HOOK2: variants seen among roughly 807,000 people sequenced by gnomAD.
HOOK2 encodes the protein protein Hook homolog 2.
In HOOK2, 108 loss-of-function variants were observed where a neutral mutation model predicts 111.9. The ratio of observed to expected loss-of-function variants is 0.96; its 90% confidence interval spans 0.83 to 1.13. HOOK2 has a LOEUF of 1.13. Among genes scored for constraint, HOOK2 ranks in the 50% most tolerant of loss-of-function variants. The pLI is 0.00. For missense variants in HOOK2, 978 were observed against 951.3 expected, an observed-to-expected ratio of 1.03 and a Z score of -0.37; for synonymous variants, 405 against 394.3, an observed-to-expected ratio of 1.03 and a Z score of -0.32.
chr19:12,783,526 G>A (rs1479079252), intron 3 of HOOK2, among the ~76,000 whole-genome samples: 1 of 151,960 alleles, frequency 6.6e-6, no homozygotes, highest in Admixed American at 6.6e-5. Flanking sequence ...CCTCCTGGGG[G>A]CCTGGGTGCA....
rs1968718535 is a variant in HOOK2 at position 12,791,745 on chromosome 19, C to G, written n.42-17520G>C. 1 of 1,547,420 alleles carries G rather than the reference C, an allele frequency of 6.5e-7. No homozygotes were observed. Among genetic ancestry groups the G allele is most frequent in the African/African-American group, 1.4e-5 (1 of 72,982 alleles). On this transcript the variant is annotated intron_variant and non_coding_transcript_variant, in intron 3 of 3. Transcript: ENST00000589765. The surrounding 1 kb of genome is among the most constrained non-coding windows in gnomAD (Gnocchi z 7.0). ...AGGCCCGGAGCGGCCCCGCAGGGACCCTCCCCAGACCGCCTGGGCCGCCCG... is the reference window on the plus strand; with the variant it reads ...AGGCCCGGAGCGGCCCCGCAGGGACGCTCCCCAGACCGCCTGGGCCGCCCG...
intron 1 of HOOK2, 76 bp downstream of exon 1, chr19:12,775,329 T>G (rs1293097492): frequency 2.1e-5 from 33 of 1,566,458 alleles, no homozygotes; most frequent in Non-Finnish European, 2.9e-5. Flanking sequence ...ACCAAGAGAC[T>G]GACCGAACCA....
rs550894956 is a variant in HOOK2, at chr19:12,770,866, G to A, written c.902+66C>T. ...ATTACAGAGCTGCTATGGCATCAGAGGGGAACTCTGGAAACAGGTTTACCC... is the reference window on the plus strand; with the variant it reads ...ATTACAGAGCTGCTATGGCATCAGAAGGGAACTCTGGAAACAGGTTTACCC... On this transcript the variant is annotated intron_variant, in intron 10 of 22. Coordinates refer to ENST00000397668, the MANE Select transcript of HOOK2 (RefSeq NM_013312.3). The A allele has an allele frequency of 3.1e-4, 468 of 1,530,970 alleles. 1 individual carries two copies. The East Asian group carries it at 9.2e-3, about 30-fold the overall frequency. 94.8% of individuals were successfully genotyped at this position (1,530,970 alleles called of 1,614,324 possible). A position where few individuals can be genotyped will look rare whatever the true frequency, so the allele number is the denominator to read the frequency against.
upstream of HOOK2, chr19:12,775,611 G>GCTCCGC: frequency 1.7e-6 from 1 of 574,656 alleles, no homozygotes; most frequent in Admixed American, 4.9e-5. Flanking sequence ...CCAAGCCCAG[G>GCTCCGC]CTCCGCCTCG....
At chr19:12,785,586 C>T (rs1365826851) in intron 3 of HOOK2, among the ~76,000 whole-genome samples, 2 of 152,308 alleles carry the variant, frequency 1.3e-5, no homozygotes, top group South Asian at 2.1e-4. Flanking sequence ...CTCACACACA[C>T]ACAGAGTGGA....
chr19:12,769,090 C>T (rs1784082028), intron 11 of HOOK2, among the ~76,000 whole-genome samples: 1 of 151,620 alleles, frequency 6.6e-6, no homozygotes, highest in South Asian at 2.1e-4. Flanking sequence ...CTCAGCCTCC[C>T]GAGTAGCTGG....
chr19:12,763,554 G>A lies in HOOK2; in HGVS notation c.1984C>T (p.Leu662=), dbSNP rs369775367. ...ATATTATACCAGGCACTGATGAGCA[G>A]CTTTTCTTCCTGCTCCCGCTGACTT... The part of the protein sequence containing the change: ...SRSQREQEEK[L]LISAWYNMGM... Residue 662 remains leucine (L), a synonymous_variant, in exon 22 of 23, where the codon CTG becomes TTG. Transcript: ENST00000397668. 1 of 1,614,222 alleles carries A rather than the reference G, an allele frequency of 6.2e-7. No homozygotes were observed. The highest frequency in any genetic ancestry group is 1.3e-5 in the African/African-American group (1 of 75,064).
chr19:12,775,864 A>G (rs894921685), upstream of HOOK2, among the ~76,000 whole-genome samples: 21 of 146,914 alleles, frequency 1.4e-4, no homozygotes, highest in Admixed American at 6.7e-5. Context: ...CCTGCAACTT[A>G]AGTAAATTCT....
chr19:12,766,382 T>A, intron 14 of HOOK2, 142 bp from the exon 15 acceptor site: 1 of 1,046,026 alleles, frequency 9.6e-7, no homozygotes, highest in Non-Finnish European at 1.3e-6. Context: ...ACCGAGGACC[T>A]ACTACGGGTT....
At chr19:12,773,416 T>G (rs1328186759) in intron 3 of HOOK2, among the ~76,000 whole-genome samples, 1 of 151,638 alleles carries the variant, frequency 6.6e-6, no homozygotes, top group African/African-American at 2.4e-5. Context: ...AATCGACTAC[T>G]TTTTTTTATT....
In HOOK2 at chr19:12,791,815, A is replaced by T. The variant is rs752094779; in HGVS notation, n.42-17590T>A. ...CAGCCCTTCTACCACGACGACTCAT[A>T]CACAGCTACGGGATACGGCCGGGCC... On this transcript the variant is annotated intron_variant and non_coding_transcript_variant, in intron 3 of 3. Transcript: ENST00000589765. The surrounding 1 kb of genome is among the most constrained non-coding windows in gnomAD (Gnocchi z 7.0). The T allele has an allele frequency of 1.2e-6, 2 of 1,613,572 alleles. No homozygotes were observed. The highest frequency in any genetic ancestry group is 2.2e-5 in the East Asian group (1 of 44,850).
rs1445239530 is a variant in HOOK2, at chr19:12,775,438, G to C, written c.12C>G (p.Asp4Glu). 5 of 1,612,322 alleles carry C rather than the reference G, an allele frequency of 3.1e-6. No homozygotes were observed. The highest frequency in any genetic ancestry group is 1.7e-5 in the Admixed American group (1 of 59,926). ...GCAGAGACCCGCATAGCTCAGCTTT[G>C]TCCACGCTCATGGCTCCCGATCGGA... MSV[D>E]KAELCGSLLT... Residue 4 changes from aspartate to glutamate, a missense_variant, in exon 1 of 23, where the codon GAC (aspartate) becomes GAG (glutamate). Asp to Glu is a conservative substitution (Grantham distance 45). Transcript: ENST00000397668.
intron 3 of HOOK2, 129 bp downstream of exon 3, chr19:12,774,536 AATGG>A (rs778681713): frequency 1.2e-6 from 1 of 863,758 alleles, no homozygotes; most frequent in Non-Finnish European, 1.9e-6. Context: ...TCCATAGATG[AATGG>A]ATGAACAAAT....
chr19:12,773,126 T>G, intron 3 of HOOK2, 82 bp from the exon 4 acceptor site: 1 of 1,347,710 alleles, frequency 7.4e-7, no homozygotes, highest in Non-Finnish European at 1.1e-6. Context: ...TCCACCTCAC[T>G]TCTCCTTCCC....
intron 14 of HOOK2, 144 bp from the exon 15 acceptor site, chr19:12,766,384 C>T: frequency 9.5e-7 from 1 of 1,049,532 alleles, no homozygotes; most frequent in Non-Finnish European, 1.3e-6. Flanking sequence ...CGAGGACCTA[C>T]TACGGGTTCA....
chr19:12,766,440 AG>A (rs1968150069), intron 14 of HOOK2, 200 bp from the exon 15 acceptor site: 1 of 610,686 alleles, frequency 1.6e-6, no homozygotes, highest in East Asian at 3.1e-5. Context: ...AAGCTGGGAT[AG>A]TGGGTGGGGC....
chr19:12,776,117 T>C (rs974125547), upstream of HOOK2, among the ~76,000 whole-genome samples: 1 of 149,970 alleles, frequency 6.7e-6, no homozygotes, highest in Admixed American at 6.6e-5. Flanking sequence ...GACCTCGTGA[T>C]CCGCCCGCCT....
upstream of HOOK2, among the ~76,000 whole-genome samples, chr19:12,777,163 T>A (rs1024094050): frequency 1.4e-5 from 2 of 141,462 alleles, no homozygotes; most frequent in South Asian, 2.3e-4. Context: ...TCAAAAAAAA[T>A]AAATAAAATA....
intron 7 of HOOK2, 128 bp downstream of exon 7, chr19:12,772,062 T>C: frequency 1.4e-6 from 1 of 734,104 alleles, no homozygotes; most frequent in East Asian, 2.7e-5. Flanking sequence ...CCTGAGCATC[T>C]GTAAGTGGGG....
Sources: allele counts gnomAD v4.1 joint callset (sites outside exome capture counted in the v4.1 genomes callset), GRCh38; gene constraint gnomAD v4.1.1; non-coding constraint Gnocchi (gnomAD v3.1); transcripts MANE v1.5; gene names NCBI Gene and HGNC (gene_info 2026-07-23, HGNC 2026-07-21).